Variants in LPCAT3 observed in about 807,000 individuals in gnomAD.
LPCAT3 encodes the protein lysophosphatidylcholine acyltransferase 3, also known as lysophospholipid acyltransferase 5.
Under a neutral mutation model 63.4 loss-of-function variants are expected in LPCAT3, and 21 were observed. That is an observed-to-expected ratio of 0.33 (90% CI 0.23 to 0.48). LPCAT3 has a LOEUF of 0.48. Ranked by LOEUF, LPCAT3 falls within the 20% of genes least tolerant of loss-of-function variation. LPCAT3 has a pLI of 0.99. For synonymous variants in LPCAT3, 242 were observed against 227.5 expected (o/e 1.06, Z -0.58); for missense variants, 451 against 590.6 (o/e 0.76, Z 2.45).
intron 1 of LPCAT3, among the ~76,000 whole-genome samples, chr12:7,014,208 A>G (rs1222256047): frequency 2.0e-5 from 3 of 152,230 alleles, no homozygotes; most frequent in African/African-American, 7.2e-5. Flanking sequence ...CCCATTTCCT[A>G]TACCCTAACA....
intron 1 of LPCAT3, among the ~76,000 whole-genome samples, chr12:6,994,228 G>A (rs1255881701): frequency 2.6e-5 from 4 of 152,012 alleles, no homozygotes; most frequent in Admixed American, 2.6e-4. Flanking sequence ...TTCCCTTTGG[G>A]ACAGAGTCTC....
chr12:7,010,538 C>G (rs1456881590), intron 1 of LPCAT3, among the ~76,000 whole-genome samples: 1 of 152,274 alleles, frequency 6.6e-6, no homozygotes, highest in Non-Finnish European at 1.5e-5. Flanking sequence ...ACTTCAGTCC[C>G]CTGAGTAGCT....
At position 6,987,374 on chromosome 12, in the gene LPCAT3, T is replaced by G. The variant is rs1360629352; in HGVS notation, c.152-3835A>C. ...CTGAGATGATGGGATATAGGATCAC[T>G]AGCTCTAGGGAGGTGGAGACATCTA... On this transcript the variant is annotated intron_variant, in intron 1 of 12. Transcript: ENST00000261407. The surrounding 1 kb of genome is among the most constrained non-coding windows in gnomAD (Gnocchi z 4.1). Among the ~76,000 whole-genome samples, 1 of 152,220 alleles carries G rather than the reference T, an allele frequency of 6.6e-6. No individual in the cohort carries two copies. The highest frequency in any genetic ancestry group is 2.4e-5 in the African/African-American group (1 of 41,452).
intron 1 of LPCAT3, chr12:6,997,374 A>G (rs1946645635): frequency 8.7e-6 from 1 of 115,098 alleles, no homozygotes; most frequent in African/African-American, 3.6e-5. Context: ...AAACAACAGC[A>G]AATTATGTGT....
intron 1 of LPCAT3, among the ~76,000 whole-genome samples, chr12:6,988,848 C>G (rs111969048): frequency 6.6e-6 from 1 of 152,066 alleles, no homozygotes; most frequent in East Asian, 1.9e-4. Flanking sequence ...ACTTGTTGGC[C>G]GGGCGCCGTG....
intron 1 of LPCAT3, among the ~76,000 whole-genome samples, chr12:6,990,393 C>T (rs1946576485): frequency 6.7e-6 from 1 of 149,042 alleles, no homozygotes; most frequent in Non-Finnish European, 1.5e-5. Flanking sequence ...CCTGTAGCCC[C>T]AGCTACTCGG....
chr12:6,979,105 G>A lies in LPCAT3; in HGVS notation c.786+366C>T, dbSNP rs76427977. The A allele has an allele frequency of 3.4e-4, 101 of 301,432 alleles. No individual in the cohort carries two copies. The East Asian group carries it at 5.8e-3, about 17-fold the overall frequency. 18.7% of individuals were successfully genotyped at this position (301,432 alleles called of 1,614,324 possible). ...AAGCCAGCACTTCCCCCCTTCCCTTGGTTTCTGAATTCCCTAGAAGTGCCC... is the reference window on the plus strand; with the variant it reads ...AAGCCAGCACTTCCCCCCTTCCCTTAGTTTCTGAATTCCCTAGAAGTGCCC... On this transcript the variant is annotated intron_variant, in intron 7 of 12. Coordinates refer to ENST00000261407, the MANE Select transcript of LPCAT3 (RefSeq NM_005768.6).
intron 1 of LPCAT3, among the ~76,000 whole-genome samples, chr12:7,000,513 G>A (rs1256261170): frequency 2.8e-5 from 4 of 144,834 alleles, no homozygotes; most frequent in African/African-American, 7.7e-5. Context: ...GCGTGAACCC[G>A]GGAGGCAGAG....
chr12:6,979,187 G>C, intron 7 of LPCAT3: 1 of 476,674 alleles, frequency 2.1e-6, no homozygotes. Context: ...GCTGTGCTCT[G>C]AGGGGTCACG....
intron 1 of LPCAT3, among the ~76,000 whole-genome samples, chr12:7,003,574 A>AT (rs1362166327): frequency 6.6e-6 from 1 of 152,054 alleles, no homozygotes; most frequent in African/African-American, 2.4e-5. Flanking sequence ...TTCATAAGCC[A>AT]TTTTTCCCAC....
At position 7,018,083 on chromosome 12, in the gene LPCAT3, G is replaced by A. The variant is rs1946807335; in HGVS notation, c.151+191C>T. On this transcript the variant is annotated intron_variant, in intron 1 of 12. Transcript: ENST00000261407. The surrounding 1 kb of genome is among the most constrained non-coding windows in gnomAD (Gnocchi z 4.9). ...AAGAGAAAGATGAAGAGGTTCAGAG[G>A]GCACAGCGCCCCAGACTCGAGACAG... is the stretch of plus-strand genomic sequence containing the variant. Among the ~76,000 whole-genome samples, 1 of 152,146 alleles carries A rather than the reference G, an allele frequency of 6.6e-6. No individual in the cohort carries two copies. The highest frequency in any genetic ancestry group is 2.4e-5 in the African/African-American group (1 of 41,436).
chr12:7,008,570 C>T, intron 1 of LPCAT3, among the ~76,000 whole-genome samples: 1 of 152,004 alleles, frequency 6.6e-6, no homozygotes, highest in East Asian at 1.9e-4. Flanking sequence ...AAAGATGGAG[C>T]CATTAGTCCA....
intron 7 of LPCAT3, 140 bp from the exon 8 acceptor site, chr12:6,978,829 TG>T: frequency 8.1e-7 from 1 of 1,234,060 alleles, no homozygotes; most frequent in Non-Finnish European, 1.1e-6. Context: ...TAGTCTGGCC[TG>T]ATTGCCTTCA....
At chr12:7,003,354 GGTGA>G (rs1946702806) in intron 1 of LPCAT3, among the ~76,000 whole-genome samples, 1 of 150,714 alleles carries the variant, frequency 6.6e-6, no homozygotes, top group African/African-American at 2.5e-5. Flanking sequence ...TTGGGAGTAG[GGTGA>G]GTTTTTTTTT....
chr12:6,983,849 A>C (rs1343784315), intron 1 of LPCAT3, among the ~76,000 whole-genome samples: 1 of 152,218 alleles, frequency 6.6e-6, no homozygotes, highest in East Asian at 1.9e-4. Context: ...ATTTTAAAAA[A>C]TGATACAAGG....
At chr12:6,982,961 G>A in intron 2 of LPCAT3, 179 bp from the exon 3 acceptor site, 2 of 672,050 alleles carry the variant, frequency 3.0e-6, no homozygotes, top group South Asian at 1.6e-5. Context: ...GATTATTAGG[G>A]TGTTATTTTA....
chr12:7,006,776 T>A (rs782331828), intron 1 of LPCAT3, among the ~76,000 whole-genome samples: 45 of 152,308 alleles, frequency 3.0e-4, no homozygotes, highest in Admixed American at 8.5e-4. Flanking sequence ...ATGTGTACTA[T>A]TTCAGTTGGC....
chr12:6,996,882 A>C (rs1392337518), intron 1 of LPCAT3, among the ~76,000 whole-genome samples: 2 of 152,236 alleles, frequency 1.3e-5, no homozygotes, highest in Non-Finnish European at 2.9e-5. Flanking sequence ...TGTAGTAAAG[A>C]CACAGCGGTA....
At chr12:6,981,442 A>G in intron 5 of LPCAT3, 153 bp downstream of exon 5, 1 of 805,992 alleles carries the variant, frequency 1.2e-6, no homozygotes, top group Admixed American at 2.1e-5. Flanking sequence ...AGATTTGTTG[A>G]TCCTTGCTCA....
Sources: gnomAD v4.1 joint callset for allele counts (sites outside exome capture counted in the v4.1 genomes callset) on GRCh38, gnomAD v4.1.1 for gene constraint, Gnocchi (gnomAD v3.1) non-coding constraint, MANE v1.5 for transcripts, NCBI Gene and HGNC (gene_info 2026-07-23, HGNC 2026-07-21) for gene names.